TSPAN18: variants seen among roughly 807,000 people sequenced by gnomAD.
TSPAN18 encodes the protein tetraspanin 18.
In TSPAN18, 14 loss-of-function variants were observed where a neutral mutation model predicts 27.3. The ratio of observed to expected loss-of-function variants is 0.51; its 90% CI spans 0.34 to 0.80. The LOEUF (loss-of-function observed/expected upper bound fraction) is 0.80. TSPAN18 is among the 30% of genes least tolerant of loss of function. TSPAN18 has a pLI of 0.01. For synonymous variants in TSPAN18, 143 were observed against 136.5 expected (o/e 1.05, Z -0.33); for missense variants, 268 against 323.9 (o/e 0.83, Z 1.32).
chr11:44,862,968 T>C (rs1333140984), intron 3 of TSPAN18, among the ~76,000 whole-genome samples: 2 of 152,148 alleles, frequency 1.3e-5, no homozygotes, highest in African/African-American at 4.8e-5. Context: ...AAACGAATCA[T>C]ACAAGCTCCA....
At chr11:44,738,353 A>C (rs1053271904) in intron 1 of TSPAN18, among the ~76,000 whole-genome samples, 1 of 152,100 alleles carries the variant, frequency 6.6e-6, no homozygotes, top group Admixed American at 6.5e-5. Context: ...GCTGGAGCCC[A>C]CCTGGCTGGA....
chr11:44,898,630 G>A (rs562877003), intron 3 of TSPAN18, among the ~76,000 whole-genome samples: 13 of 152,358 alleles, frequency 8.5e-5, no homozygotes, highest in African/African-American at 2.9e-4. Context: ...GCTGCCGGGG[G>A]ACTCTTTGCA....
At chr11:44,925,633 A>G (rs867888690) in intron 8 of TSPAN18, 1 of 152,246 alleles carries the variant, frequency 6.6e-6, no homozygotes, top group Non-Finnish European at 1.5e-5. Context: ...CCCGGTCTCA[A>G]CAGAGCCCAG....
chr11:44,768,992 G>A (rs1458640941), intron 2 of TSPAN18, among the ~76,000 whole-genome samples: 1 of 149,140 alleles, frequency 6.7e-6, no homozygotes, highest in African/African-American at 2.5e-5. Flanking sequence ...CGCCTTTCAG[G>A]TTAAGAAATT....
chr11:44,886,959 G>C (rs552427065), intron 3 of TSPAN18, among the ~76,000 whole-genome samples: 72 of 152,332 alleles, frequency 4.7e-4, no homozygotes, highest in African/African-American at 1.6e-3. Flanking sequence ...TGTAGAGCAA[G>C]AGGCTGGAGC....
intron 1 of TSPAN18, among the ~76,000 whole-genome samples, chr11:44,756,971 C>T (rs564124491): frequency 1.4e-4 from 22 of 152,288 alleles, no homozygotes; most frequent in African/African-American, 4.8e-4. Context: ...CCATTGACTA[C>T]GATGTTTGCT....
chr11:44,795,224 C>G (rs1209818465), intron 2 of TSPAN18, among the ~76,000 whole-genome samples: 1 of 152,142 alleles, frequency 6.6e-6, no homozygotes, highest in African/African-American at 2.4e-5. Context: ...AGCTGCTTCT[C>G]TTCCTGGGAC....
At chr11:44,911,802 C>A (rs1301546818) in intron 5 of TSPAN18, among the ~76,000 whole-genome samples, 2 of 152,112 alleles carry the variant, frequency 1.3e-5, no homozygotes, top group Non-Finnish European at 2.9e-5. Flanking sequence ...GTCCTCCCTC[C>A]CGTGCTATGC....
intron 2 of TSPAN18, among the ~76,000 whole-genome samples, chr11:44,792,802 C>T (rs748927100): frequency 1.3e-5 from 2 of 152,192 alleles, no homozygotes; most frequent in Non-Finnish European, 2.9e-5. Context: ...ACAAACAGTA[C>T]CTGCCAAGGC....
At chr11:44,883,902 G>A (rs1159683628) in intron 3 of TSPAN18, among the ~76,000 whole-genome samples, 1 of 151,808 alleles carries the variant, frequency 6.6e-6, no homozygotes. Flanking sequence ...CATAATAATT[G>A]TACCTACTTT....
chr11:44,887,365 A>G (rs1183361353), intron 3 of TSPAN18, among the ~76,000 whole-genome samples: 1 of 152,208 alleles, frequency 6.6e-6, no homozygotes, highest in African/African-American at 2.4e-5. Flanking sequence ...AGTGCTTCAT[A>G]CATGCTGACT....
intron 2 of TSPAN18, among the ~76,000 whole-genome samples, chr11:44,781,021 G>A (rs566685795): frequency 1.9e-4 from 29 of 152,346 alleles, no homozygotes; most frequent in Admixed American, 2.6e-4. Context: ...AAGCGGTTGC[G>A]AAAGGACTGG....
intron 2 of TSPAN18, among the ~76,000 whole-genome samples, chr11:44,774,888 C>G (rs1039032512): frequency 2.0e-5 from 3 of 152,194 alleles, no homozygotes; most frequent in Admixed American, 2.0e-4. Flanking sequence ...TTCACTTCCT[C>G]TCTTAGGACC....
At chr11:44,900,633 A>G (rs943350673) in intron 3 of TSPAN18, among the ~76,000 whole-genome samples, 4 of 144,084 alleles carry the variant, frequency 2.8e-5, no homozygotes, top group Non-Finnish European at 6.0e-5. Flanking sequence ...ATTAGCTACC[A>G]TGTGCCAAGC....
At chr11:44,922,371 G>T (rs1860175173) in intron 8 of TSPAN18, among the ~76,000 whole-genome samples, 1 of 152,160 alleles carries the variant, frequency 6.6e-6, no homozygotes, top group Non-Finnish European at 1.5e-5. Flanking sequence ...CACCCTCTTG[G>T]CCTCCCCAAG....
At chr11:44,902,782 C>T (rs568955432) in intron 3 of TSPAN18, among the ~76,000 whole-genome samples, 1 of 152,254 alleles carries the variant, frequency 6.6e-6, no homozygotes, top group South Asian at 2.1e-4. Flanking sequence ...GGTGAGCAAG[C>T]GGGGCATTAG....
chr11:44,736,962 C>T (rs926239541), intron 1 of TSPAN18, among the ~76,000 whole-genome samples: 2 of 152,190 alleles, frequency 1.3e-5, no homozygotes, highest in African/African-American at 4.8e-5. Flanking sequence ...TGTTTTCCTC[C>T]ATAGAGTGAG....
At chr11:44,799,964 G>A (rs952413143) in intron 2 of TSPAN18, among the ~76,000 whole-genome samples, 4 of 149,648 alleles carry the variant, frequency 2.7e-5, no homozygotes, top group African/African-American at 9.9e-5. Context: ...CCGAGTAGCT[G>A]TGATTACAGG....
At position 44,832,490 on chromosome 11, in the gene TSPAN18, A is replaced by G. The variant is rs1372007507; in HGVS notation, c.-152-27838A>G. On this transcript the variant is annotated intron_variant, in intron 2 of 9. Coordinates refer to ENST00000520358, the MANE Select transcript of TSPAN18 (RefSeq NM_130783.5). ...TCCAATTCTCTACCCTAGACCCCCA[A>G]ATTCCACCTTCCTCAGCTCCCAAAG... 1.3e-5 allele frequency among the ~76,000 whole-genome samples: 2 copies of G among 151,974 alleles called. 1 individual carries two copies. The highest frequency in any genetic ancestry group is 3.9e-4 in the East Asian group (2 of 5,180).
Sources: allele counts gnomAD v4.1 joint callset (sites outside exome capture counted in the v4.1 genomes callset), GRCh38; gene constraint gnomAD v4.1.1; transcripts MANE v1.5; gene names NCBI Gene and HGNC (gene_info 2026-07-23, HGNC 2026-07-21).